CTNNA3: variants seen among roughly 807,000 people sequenced by gnomAD.
CTNNA3 encodes catenin alpha-3.
Under a neutral mutation model 95.7 loss-of-function variants are expected in CTNNA3, and 76 were observed. The observed-to-expected ratio is 0.79, with a 90% CI of 0.66 to 0.96. The LOEUF is 0.96. Ranked by LOEUF, CTNNA3 falls within the 40% of genes least tolerant of loss-of-function variation. CTNNA3 has a pLI of 0.00. For synonymous variants in CTNNA3, 431 were observed against 374.4 expected, an observed-to-expected ratio of 1.15 and a Z score of -1.74; for missense variants, 1,191 against 1,089.8, an observed-to-expected ratio of 1.09 and a Z score of -1.31.
rs530919109 is a variant in CTNNA3, at chr10:67,015,880, A to G, written c.1047+164437T>C. 5.9e-5 allele frequency among the ~76,000 whole-genome samples: 9 copies of G among 151,992 alleles called. No homozygotes were observed. The East Asian group carries it at 7.7e-4, about 13-fold the overall frequency. ...ATTTTGTCAGATTTTTTTCCAACCTAGTATCTATGCTTGTGACTTTGTTTT... is the reference window on the plus strand; with the variant it reads ...ATTTTGTCAGATTTTTTTCCAACCTGGTATCTATGCTTGTGACTTTGTTTT... On this transcript the variant is annotated intron_variant, in intron 7 of 17. Coordinates refer to ENST00000433211, the MANE Select transcript of CTNNA3 (RefSeq NM_013266.4).
At chr10:67,454,334 A>C (rs1847091893) in intron 5 of CTNNA3, among the ~76,000 whole-genome samples, 1 of 152,158 alleles carries the variant, frequency 6.6e-6, no homozygotes, top group South Asian at 2.1e-4. Context: ...TTCAATTCAC[A>C]ACTGAGCTTA....
At chr10:67,408,631 C>A (rs1161327894) in intron 5 of CTNNA3, among the ~76,000 whole-genome samples, 1 of 151,948 alleles carries the variant, frequency 6.6e-6, no homozygotes, top group East Asian at 1.9e-4. Flanking sequence ...ATTATAAAAA[C>A]CCTAGAAGAA....
intron 1 of CTNNA3, among the ~76,000 whole-genome samples, chr10:67,691,320 T>C (rs1408626562): frequency 6.6e-6 from 1 of 152,186 alleles, no homozygotes; most frequent in East Asian, 1.9e-4. Context: ...CCACCCCGTC[T>C]GGGAAGTGAG....
intron 7 of CTNNA3, among the ~76,000 whole-genome samples, chr10:67,107,203 G>C (rs772067708): frequency 3.3e-5 from 5 of 152,168 alleles, no homozygotes; most frequent in African/African-American, 1.2e-4. Flanking sequence ...CTCTGGAAGA[G>C]AAAGACCAGG....
intron 11 of CTNNA3, among the ~76,000 whole-genome samples, chr10:66,510,861 T>C (rs535550529): frequency 4.6e-5 from 7 of 151,922 alleles, no homozygotes; most frequent in Non-Finnish European, 7.4e-5. Flanking sequence ...CTTTTTTTGT[T>C]GTGCCCTTGT....
intron 5 of CTNNA3, among the ~76,000 whole-genome samples, chr10:67,393,704 C>T (rs529906539): frequency 2.0e-5 from 3 of 152,226 alleles, no homozygotes; most frequent in Non-Finnish European, 4.4e-5. Context: ...GACATTGAGA[C>T]TTGACCCAGC....
At chr10:67,473,162 GAAAT>G (rs1388516403) in intron 5 of CTNNA3, among the ~76,000 whole-genome samples, 4 of 152,168 alleles carry the variant, frequency 2.6e-5, no homozygotes, top group Non-Finnish European at 5.9e-5. Context: ...ATTACATGAT[GAAAT>G]GCTTAACTAT....
chr10:67,346,497 A>T (rs1018449240), intron 5 of CTNNA3, among the ~76,000 whole-genome samples: 37 of 152,142 alleles, frequency 2.4e-4, no homozygotes, highest in African/African-American at 8.7e-4. Flanking sequence ...TTTTCACCAG[A>T]TATACTATTC....
intron 6 of CTNNA3, among the ~76,000 whole-genome samples, chr10:67,190,372 G>A (rs1863065102): frequency 6.6e-6 from 1 of 151,924 alleles, no homozygotes; most frequent in Non-Finnish European, 1.5e-5. Context: ...GTGCATATGT[G>A]TATATGAGAG....
intron 3 of CTNNA3, among the ~76,000 whole-genome samples, chr10:67,582,068 G>A (rs1842422891): frequency 2.7e-5 from 4 of 149,268 alleles, no homozygotes; most frequent in Admixed American, 1.3e-4. Context: ...CTTCAGTTCT[G>A]CTCTGATCTT....
At chr10:67,720,258 T>C (rs1043692015) in intron 1 of CTNNA3, among the ~76,000 whole-genome samples, 1 of 150,782 alleles carries the variant, frequency 6.6e-6, no homozygotes, top group Non-Finnish European at 1.5e-5. Flanking sequence ...GTATTCACAC[T>C]GATTGGTCTT....
At position 66,656,709 on chromosome 10, in the gene CTNNA3, C is replaced by T. The variant is rs372410410; in HGVS notation, c.1282-34925G>A. Among the ~76,000 whole-genome samples, 64 of 152,156 alleles carry T rather than the reference C, an allele frequency of 4.2e-4. No individual in the cohort carries two copies. In the East Asian group the frequency reaches 9.7e-3, roughly 23 times the overall value. ...ATGTCATGACAATATTTGGATATAA[C>T]AGATAAGACATAATGCTTTGCCAGG... On this transcript the variant is annotated intron_variant, in intron 9 of 17. Coordinates refer to ENST00000433211, the MANE Select transcript of CTNNA3 (RefSeq NM_013266.4).
chr10:66,716,717 T>C (rs1435180166), intron 9 of CTNNA3, among the ~76,000 whole-genome samples: 1 of 152,076 alleles, frequency 6.6e-6, no homozygotes, highest in African/African-American at 2.4e-5. Flanking sequence ...ACTACCTAGG[T>C]GTTTGATGGC....
At chr10:66,854,403 A>C (rs1843611904) in intron 7 of CTNNA3, among the ~76,000 whole-genome samples, 2 of 152,158 alleles carry the variant, frequency 1.3e-5, no homozygotes, top group South Asian at 4.1e-4. Flanking sequence ...ATACAGAATA[A>C]AAAGATGAAT....
At chr10:65,985,617 GAC>G (rs1440698497) in intron 16 of CTNNA3, among the ~76,000 whole-genome samples, 1 of 150,970 alleles carries the variant, frequency 6.6e-6, no homozygotes, top group Admixed American at 6.6e-5. Context: ...ATATATTGTT[GAC>G]ACAGAAAACC....
At chr10:67,210,004 T>C (rs1220039799) in intron 6 of CTNNA3, among the ~76,000 whole-genome samples, 1 of 151,816 alleles carries the variant, frequency 6.6e-6, no homozygotes, top group Non-Finnish European at 1.5e-5. Flanking sequence ...TTAGAAAATA[T>C]AAGTTAATAA....
intron 5 of CTNNA3, among the ~76,000 whole-genome samples, chr10:67,446,617 C>A (rs985964923): frequency 5.3e-5 from 8 of 152,162 alleles, no homozygotes; most frequent in Admixed American, 2.6e-4. Flanking sequence ...ACTTTCTTCT[C>A]GCTTTGAAAT....
At chr10:65,974,231 C>T (rs189185974) in intron 16 of CTNNA3, among the ~76,000 whole-genome samples, 2 of 152,218 alleles carry the variant, frequency 1.3e-5, no homozygotes, top group Admixed American at 6.5e-5. Flanking sequence ...TCACTCATCC[C>T]GTTACTATGT....
At chr10:66,897,458 T>C (rs1279890208) in intron 7 of CTNNA3, among the ~76,000 whole-genome samples, 1 of 152,080 alleles carries the variant, frequency 6.6e-6, no homozygotes, top group African/African-American at 2.4e-5. Context: ...AGTAAAACAG[T>C]AATTCATAAA....
Sources: gnomAD v4.1 joint callset for allele counts (sites outside exome capture counted in the v4.1 genomes callset) on GRCh38, gnomAD v4.1.1 for gene constraint, MANE v1.5 for transcripts, NCBI Gene and HGNC (gene_info 2026-07-23, HGNC 2026-07-21) for gene names.